Variants in IQCH observed in about 807,000 individuals in gnomAD.
IQCH encodes the protein IQ domain-containing protein H.
In IQCH, 98 loss-of-function variants were observed where a neutral mutation model predicts 117.0. The observed-to-expected ratio is 0.84, with a 90% CI of 0.71 to 0.99. The LOEUF is 0.99. Ranked by LOEUF, IQCH falls within the 50% of genes least tolerant of loss-of-function variation. The pLI is 0.00. For synonymous variants in IQCH, 412 were observed against 448.2 expected, an observed-to-expected ratio of 0.92 and a Z score of 1.02; for missense variants, 1,102 against 1,243.8, an observed-to-expected ratio of 0.89 and a Z score of 1.72.
In IQCH at chr15:67,407,638, C is replaced by A. The variant is rs1482306003; in HGVS notation, c.2097+7333C>A. ...TCTAATCAGTACATAAAGCTATGGG[C>A]CTGCAGTGTTAATTTTTAATATGCT... On this transcript the variant is annotated intron_variant, in intron 14 of 20. Transcript: ENST00000335894. The surrounding 1 kb of genome is among the most constrained non-coding windows in gnomAD (Gnocchi z 5.3). 1 of 152,096 alleles carries A rather than the reference C, an allele frequency of 6.6e-6. No homozygotes were observed. The highest frequency in any genetic ancestry group is 1.5e-5 in the Non-Finnish European group (1 of 68,026). 9.4% of individuals were successfully genotyped at this position (152,096 alleles called of 1,614,324 possible).
chr15:67,409,238 T>G (rs2081382013), intron 14 of IQCH, among the ~76,000 whole-genome samples: 2 of 152,280 alleles, frequency 1.3e-5, no homozygotes, highest in East Asian at 1.9e-4. Flanking sequence ...GGGAAAAATT[T>G]TCCTGCCTTT....
In IQCH at chr15:67,339,164, G is replaced by A. The variant is rs112614365; in HGVS notation, c.508+2069G>A. On this transcript the variant is annotated intron_variant, in intron 5 of 20. Transcript: ENST00000335894. ...ATAATAGGCACTTTATTAGTTAAAC[G>A]AATGACAGAATGAATGAACTTCCAA... is the stretch of plus-strand genomic sequence containing the variant. Among the ~76,000 whole-genome samples, 3 of 152,220 alleles carry A rather than the reference G, an allele frequency of 2.0e-5. 1 individual carries two copies. Among genetic ancestry groups the A allele is most frequent in the African/African-American group, 7.2e-5 (3 of 41,528 alleles).
chr15:67,278,216 G>A lies in IQCH; in HGVS notation c.270-1179G>A, dbSNP rs566969198. Among the ~76,000 whole-genome samples the A allele has an allele frequency of 6.6e-5, 10 of 152,270 alleles. No homozygotes were observed. In the East Asian group the frequency reaches 7.7e-4, roughly 12 times the overall value. ...CAGAGAACGGAACGAAGAACAGAACGAAGAACAGAACTCTCTGGGAATATT... is the reference window on the plus strand; with the variant it reads ...CAGAGAACGGAACGAAGAACAGAACAAAGAACAGAACTCTCTGGGAATATT... On this transcript the variant is annotated intron_variant, in intron 3 of 20. Coordinates refer to ENST00000335894, the MANE Select transcript of IQCH (RefSeq NM_001031715.3).
chr15:67,370,737 CAAGTT>C lies in IQCH; in HGVS notation c.754-1371_754-1367del, dbSNP rs1423712922. ...CTCATTTTTATGCCTTATAACAACT[CAAGTT>C]AAAAGTACACAAAAAGCTCACTGCT... On this transcript the variant is annotated intron_variant, in intron 8 of 20. Coordinates refer to ENST00000335894, the MANE Select transcript of IQCH (RefSeq NM_001031715.3). The surrounding 1 kb of genome is among the most constrained non-coding windows in gnomAD (Gnocchi z 5.6). 6.6e-6 allele frequency among the ~76,000 whole-genome samples: 1 copy of C among 152,152 alleles called. No homozygotes were observed. Among genetic ancestry groups the C allele is most frequent in the Admixed American group, 6.5e-5 (1 of 15,270 alleles).
chr15:67,372,657 G>A lies in IQCH; in HGVS notation c.1300G>A (p.Ala434Thr). The A allele has an allele frequency of 6.2e-7, 1 of 1,602,430 alleles. No homozygotes were observed. Among genetic ancestry groups the A allele is most frequent in the Non-Finnish European group, 8.5e-7 (1 of 1,173,804 alleles). Residue 434 changes from alanine to threonine, a missense_variant, in exon 9 of 21, where the codon GCC (alanine) becomes ACC (threonine). Ala to Thr is a moderately conservative substitution (Grantham distance 58). This residue lies in a region of IQCH where 650 missense variants were observed against 794.3 expected (regional missense o/e 0.82). Coordinates refer to ENST00000335894, the MANE Select transcript of IQCH (RefSeq NM_001031715.3). ...ACACCTGGAGAATTTTCGCATTCGA[G>A]CCAAGGTGCACAAGGCTGCCAGCTG... ...QRHLENFRIR[A>T]KHLAANWNRI...
At chr15:67,299,184 C>T (rs997801872) in intron 4 of IQCH, among the ~76,000 whole-genome samples, 7 of 151,548 alleles carry the variant, frequency 4.6e-5, no homozygotes, top group Admixed American at 2.6e-4. Flanking sequence ...GCAGGATTCA[C>T]ATGTTCTCAC....
chr15:67,423,673 C>A (rs1246977311), intron 16 of IQCH, among the ~76,000 whole-genome samples: 1 of 149,940 alleles, frequency 6.7e-6, no homozygotes, highest in African/African-American at 2.5e-5. Context: ...GAGGCGCAGG[C>A]GGGTGGATTG....
At chr15:67,341,151 GCAGTGAA>G (rs1489173977) in intron 5 of IQCH, among the ~76,000 whole-genome samples, 1 of 152,216 alleles carries the variant, frequency 6.6e-6, no homozygotes, top group African/African-American at 2.4e-5. Context: ...GGCGGAGGTT[GCAGTGAA>G]CTGAGATCAT....
chr15:67,342,352 GAA>G lies in IQCH; in HGVS notation c.509-1708_509-1707del, dbSNP rs1367232437. Among the ~76,000 whole-genome samples, 4 of 152,080 alleles carry G rather than the reference GAA, an allele frequency of 2.6e-5. No homozygotes were observed. The highest frequency in any genetic ancestry group is 1.5e-5 in the Non-Finnish European group (1 of 68,026). On this transcript the variant is annotated intron_variant, in intron 5 of 20. Coordinates refer to ENST00000335894, the MANE Select transcript of IQCH (RefSeq NM_001031715.3). The surrounding 1 kb of genome is among the most constrained non-coding windows in gnomAD (Gnocchi z 4.7). Reference sequence around the variant, plus strand: ...TCTTCAGAGATTCCAGCATTTCAATGAAAAGATACTCAGTAATCTCTTCTGCT... The same window carrying G: ...TCTTCAGAGATTCCAGCATTTCAATGAAGATACTCAGTAATCTCTTCTGCT...
At chr15:67,297,911 GA>G (rs1257579974) in intron 4 of IQCH, among the ~76,000 whole-genome samples, 1 of 152,066 alleles carries the variant, frequency 6.6e-6, no homozygotes, top group African/African-American at 2.4e-5. Context: ...CAGAATGGGA[GA>G]AAATATTTGC....
chr15:67,301,793 A>G (rs1447192776), intron 4 of IQCH, among the ~76,000 whole-genome samples: 2 of 152,178 alleles, frequency 1.3e-5, no homozygotes, highest in Admixed American at 1.3e-4. Flanking sequence ...ACATATTACT[A>G]TTTTGGTATA....
At chr15:67,410,633 C>T (rs2081425975) in intron 14 of IQCH, among the ~76,000 whole-genome samples, 1 of 152,200 alleles carries the variant, frequency 6.6e-6, no homozygotes, top group Admixed American at 6.5e-5. Context: ...CTCATCAGGG[C>T]CAATCCTTGC....
chr15:67,273,218 C>T (rs1482572173), intron 3 of IQCH, among the ~76,000 whole-genome samples: 2 of 151,036 alleles, frequency 1.3e-5, no homozygotes, highest in Admixed American at 1.3e-4. Flanking sequence ...TTACAGGCGC[C>T]TGCCACCATG....
chr15:67,475,879 G>A lies in IQCH; in HGVS notation c.2799+61G>A. On this transcript the variant is annotated intron_variant, in intron 18 of 20. Coordinates refer to ENST00000335894, the MANE Select transcript of IQCH (RefSeq NM_001031715.3). This position sits in a 1 kb window ranked among gnomAD's most constrained non-coding sequence, Gnocchi z 5.7. The stretch of plus-strand genomic sequence containing the variant: ...GACATGCCTGTGGGTGATCTAGGTA[G>A]CTAATAATTTGGTGCCCCTTCAGAT... 6.7e-7 allele frequency: 1 copy of A among 1,484,754 alleles called. No individual in the cohort carries two copies. Among genetic ancestry groups the A allele is most frequent in the Non-Finnish European group, 9.3e-7 (1 of 1,071,202 alleles). The allele number at this position is 1,484,754 out of a possible 1,614,324, so 92.0% of individuals were successfully genotyped here.
intron 10 of IQCH, among the ~76,000 whole-genome samples, chr15:67,377,148 GA>G (rs1970767898): frequency 6.7e-6 from 1 of 148,728 alleles, no homozygotes; most frequent in Non-Finnish European, 1.5e-5. Flanking sequence ...AAGAAAAAAA[GA>G]AAGGAGGACT....
At chr15:67,330,056 CT>C (rs1324409121) in intron 4 of IQCH, among the ~76,000 whole-genome samples, 1 of 145,094 alleles carries the variant, frequency 6.9e-6, no homozygotes, top group Non-Finnish European at 1.5e-5. Context: ...GGACAGGCAT[CT>C]TGTGATCTCC....
At position 67,491,123 on chromosome 15, in the gene IQCH, C is replaced by T. The variant is rs2083642396; in HGVS notation, c.2861+1059C>T. 6.6e-6 allele frequency among the ~76,000 whole-genome samples: 1 copy of T among 152,142 alleles called. No homozygotes were observed. Among genetic ancestry groups the T allele is most frequent in the Non-Finnish European group, 1.5e-5 (1 of 68,024 alleles). On this transcript the variant is annotated intron_variant, in intron 19 of 20. Coordinates refer to ENST00000335894, the MANE Select transcript of IQCH (RefSeq NM_001031715.3). This position sits in a 1 kb window ranked among gnomAD's most constrained non-coding sequence, Gnocchi z 4.9. ...AAACATATACACAAAGATCTGGTCT[C>T]ATAAAAACTAACCAAATAAGAGCCA...
rs1393317942 is a variant in IQCH at position 67,384,486 on chromosome 15, C to G, written c.1373-450C>G. Among the ~76,000 whole-genome samples, 2 of 152,116 alleles carry G rather than the reference C, an allele frequency of 1.3e-5. No individual in the cohort carries two copies. The highest frequency in any genetic ancestry group is 2.9e-5 in the Non-Finnish European group (2 of 68,018). On this transcript the variant is annotated intron_variant, in intron 10 of 20. Coordinates refer to ENST00000335894, the MANE Select transcript of IQCH (RefSeq NM_001031715.3). This position sits in a 1 kb window ranked among gnomAD's most constrained non-coding sequence, Gnocchi z 4.3. ...GAATTATTTAAATACATATTCCTGA[C>G]AGCAAGGGATTTATCTGAAATCTAT...
At position 67,359,717 on chromosome 15, in the gene IQCH, GGAAA is replaced by G. The variant is rs1970051573; in HGVS notation, c.715-127_715-124del. ...TCTAATTATTAGCTCCTGCCTGCGT[GGAAA>G]GAGAGAACAGGCTGGCCCAGCGGGT... is the stretch of plus-strand genomic sequence containing the variant. On this transcript the variant is annotated intron_variant, in intron 7 of 20. Coordinates refer to ENST00000335894, the MANE Select transcript of IQCH (RefSeq NM_001031715.3). The surrounding 1 kb of genome is among the most constrained non-coding windows in gnomAD (Gnocchi z 4.5). 64 of 788,402 alleles carry G rather than the reference GGAAA, an allele frequency of 8.1e-5. 1 individual carries two copies. In the South Asian group the frequency reaches 8.4e-4, roughly 10 times the overall value. The allele number at this position is 788,402 out of a possible 1,614,324, so 48.8% of individuals were successfully genotyped here. A position where few individuals can be genotyped will look rare whatever the true frequency, so the allele number is the denominator to read the frequency against.
Sources: allele counts gnomAD v4.1 joint callset (sites outside exome capture counted in the v4.1 genomes callset), GRCh38; gene constraint gnomAD v4.1.1; regional missense constraint gnomAD v4.1.1; non-coding constraint Gnocchi (gnomAD v3.1); transcripts MANE v1.5; gene names NCBI Gene and HGNC (gene_info 2026-07-23, HGNC 2026-07-21).